Variants in NCALD observed in about 807,000 individuals in gnomAD.
The protein encoded by NCALD is neurocalcin-delta.
Under a neutral mutation model 18.6 loss-of-function variants are expected in NCALD, and 10 were observed. The observed-to-expected ratio is 0.54, with a 90% CI of 0.33 to 0.91. NCALD has a LOEUF of 0.91. NCALD is among the 40% of genes least tolerant of loss of function. The probability of loss-of-function intolerance (pLI) is 0.03; values close to 1 mark genes in which losing one functional copy is unlikely to be tolerated. For missense variants in NCALD, 184 were observed against 247.6 expected, an observed-to-expected ratio of 0.74 and a Z score of 1.72; for synonymous variants, 88 against 87.4, an observed-to-expected ratio of 1.01 and a Z score of -0.04.
chr8:101,698,130 T>C (rs1276645991), intron 2 of NCALD, among the ~76,000 whole-genome samples: 2 of 152,148 alleles, frequency 1.3e-5, no homozygotes, highest in Admixed American at 6.5e-5. Context: ...AGCATTTCTA[T>C]ACACCAACAA....
intron 1 of NCALD, among the ~76,000 whole-genome samples, chr8:102,036,143 A>AAATTAATTAATT (rs1055438867): frequency 2.0e-5 from 3 of 148,222 alleles, no homozygotes; most frequent in African/African-American, 7.4e-5. Flanking sequence ...ATAAATAAAT[A>AAATTAATTAATT]AATTAATTAA....
At chr8:102,044,226 G>T (rs1823158170) in intron 1 of NCALD, among the ~76,000 whole-genome samples, 2 of 151,964 alleles carry the variant, frequency 1.3e-5, no homozygotes, top group African/African-American at 2.4e-5. Flanking sequence ...AACAGAAGAA[G>T]AATTTGGAAA....
intron 2 of NCALD, among the ~76,000 whole-genome samples, chr8:101,945,941 G>A (rs1354622899): frequency 6.6e-6 from 1 of 152,142 alleles, no homozygotes; most frequent in East Asian, 1.9e-4. Flanking sequence ...TTAGAAACGG[G>A]CTCCAGAAGC....
At chr8:102,081,558 A>C (rs959121644) in intron 1 of NCALD, among the ~76,000 whole-genome samples, 3,913 of 127,394 alleles carry the variant, frequency 0.031, 191 homozygotes, top group East Asian at 0.13. Context: ...AAAAAAAAAA[A>C]AAAAAAAAAA....
intron 3 of NCALD, among the ~76,000 whole-genome samples, chr8:101,910,711 C>T (rs1817766165): frequency 6.6e-6 from 1 of 152,032 alleles, no homozygotes; most frequent in Non-Finnish European, 1.5e-5. Flanking sequence ...TAAATAGATC[C>T]AGAATTTTGG....
At chr8:101,917,871 T>C (rs1017919583) in intron 2 of NCALD, among the ~76,000 whole-genome samples, 1 of 152,082 alleles carries the variant, frequency 6.6e-6, no homozygotes, top group Non-Finnish European at 1.5e-5. Flanking sequence ...CAGGACTAGA[T>C]GGATTCACAG....
chr8:102,032,749 G>A (rs992023662), intron 1 of NCALD, among the ~76,000 whole-genome samples: 6 of 152,002 alleles, frequency 3.9e-5, no homozygotes, highest in African/African-American at 1.4e-4. Flanking sequence ...TGCAGAGAAG[G>A]CTGTCAATAA....
chr8:101,814,102 A>G (rs12335079), intron 4 of NCALD, among the ~76,000 whole-genome samples: 4,059 of 152,162 alleles, frequency 0.027, 195 homozygotes, highest in African/African-American at 0.093. Flanking sequence ...AGTTATACCA[A>G]TTCTCAATGA....
intron 3 of NCALD, among the ~76,000 whole-genome samples, chr8:101,907,758 G>A (rs949239096): frequency 2.1e-4 from 32 of 152,122 alleles, no homozygotes; most frequent in African/African-American, 7.2e-4. Context: ...TGCTTCTCCA[G>A]GCAACTTCCA....
intron 4 of NCALD, among the ~76,000 whole-genome samples, chr8:101,841,307 C>T (rs1343178729): frequency 6.6e-6 from 1 of 152,192 alleles, no homozygotes; most frequent in African/African-American, 2.4e-5. Flanking sequence ...ACATCACGTA[C>T]ATGTGTTTTT....
At chr8:101,727,014 A>C (rs1301476603) in intron 1 of NCALD, among the ~76,000 whole-genome samples, 1 of 152,218 alleles carries the variant, frequency 6.6e-6, no homozygotes, top group Non-Finnish European at 1.5e-5. Context: ...CAAGGAAGCT[A>C]AAACCATGCC....
At chr8:101,755,753 T>C (rs965297352) in intron 1 of NCALD, among the ~76,000 whole-genome samples, 5 of 152,234 alleles carry the variant, frequency 3.3e-5, no homozygotes, top group Non-Finnish European at 5.9e-5. Flanking sequence ...CACTCCTTTG[T>C]AAACAGCAAA....
intron 2 of NCALD, among the ~76,000 whole-genome samples, chr8:101,981,630 T>C (rs1471322975): frequency 6.6e-6 from 1 of 152,226 alleles, no homozygotes; most frequent in Non-Finnish European, 1.5e-5. Flanking sequence ...TCAAGACCAA[T>C]GACAAATTAA....
intron 4 of NCALD, among the ~76,000 whole-genome samples, chr8:101,812,589 GGAACT>G (rs1813346467): frequency 6.6e-6 from 1 of 152,110 alleles, no homozygotes; most frequent in African/African-American, 2.4e-5. Context: ...AACAAAAATG[GGAACT>G]GAGAGGCAAT....
At chr8:101,910,030 A>G (rs1817737092) in intron 3 of NCALD, among the ~76,000 whole-genome samples, 1 of 152,116 alleles carries the variant, frequency 6.6e-6, no homozygotes, top group African/African-American at 2.4e-5. Flanking sequence ...AAGTCTTTCT[A>G]GTCTTCAGGA....
intron 2 of NCALD, among the ~76,000 whole-genome samples, chr8:101,717,188 TC>T (rs1475150128): frequency 1.8e-4 from 27 of 152,336 alleles, no homozygotes; most frequent in Middle Eastern, 3.4e-3. Flanking sequence ...TAGAGTTTTT[TC>T]CTACCAATGT....
In NCALD at chr8:101,707,880, TAATAAATA is replaced by T. The variant is rs562856899; in HGVS notation, c.378+11364_378+11371del. Among the ~76,000 whole-genome samples, 36 of 151,360 alleles carry T rather than the reference TAATAAATA, an allele frequency of 2.4e-4. No homozygotes were observed. The South Asian group carries it at 4.4e-3, about 18-fold the overall frequency. On this transcript the variant is annotated intron_variant, in intron 2 of 3. Coordinates refer to ENST00000220931, the MANE Select transcript of NCALD (RefSeq NM_032041.3). ...AAAACTCCATCTCAAAAAATGGTAA[TAATAAATA>T]AATAAATAAATAAATAATAAATAAA...
chr8:101,947,292 C>T (rs1228791673), intron 2 of NCALD, among the ~76,000 whole-genome samples: 2 of 152,126 alleles, frequency 1.3e-5, no homozygotes, highest in East Asian at 1.9e-4. Flanking sequence ...GCTTATTATG[C>T]GAGTGTTTTG....
chr8:101,912,817 T>C (rs1444056963), intron 3 of NCALD, among the ~76,000 whole-genome samples: 1 of 152,236 alleles, frequency 6.6e-6, no homozygotes, highest in Admixed American at 6.5e-5. Flanking sequence ...AAACGAAATA[T>C]GGCAAAGCCA....
Sources: gnomAD v4.1 joint callset for allele counts (sites outside exome capture counted in the v4.1 genomes callset) on GRCh38, gnomAD v4.1.1 for gene constraint, MANE v1.5 for transcripts, NCBI Gene and HGNC (gene_info 2026-07-23, HGNC 2026-07-21) for gene names.